Variants in NAGA observed in about 807,000 individuals in gnomAD.
The protein encoded by NAGA is alpha-N-acetylgalactosaminidase.
A neutral mutation model predicts 45.6 loss-of-function variants in NAGA; 42 were observed. The ratio of observed to expected loss-of-function variants is 0.92; its 90% CI spans 0.72 to 1.19. The LOEUF is 1.19. Ranked by LOEUF, NAGA falls within the 50% of genes most tolerant of loss-of-function variation. The probability of loss-of-function intolerance (pLI) is 0.00; values close to 1 mark genes in which losing one functional copy is unlikely to be tolerated. For synonymous variants in NAGA, 176 were observed against 203.1 expected, an observed-to-expected ratio of 0.87 and a Z score of 1.13; for missense variants, 493 against 544.8, an observed-to-expected ratio of 0.90 and a Z score of 0.95.
intron 1 of NAGA, among the ~76,000 whole-genome samples, chr22:42,069,651 G>A (rs1374295454): frequency 6.7e-6 from 1 of 148,620 alleles, no homozygotes; most frequent in Non-Finnish European, 1.5e-5. Context: ...GTGCGACAAC[G>A]CACATTAGCC....
chr22:42,067,523 A>G (rs887992816), intron 3 of NAGA, among the ~76,000 whole-genome samples: 1 of 152,056 alleles, frequency 6.6e-6, no homozygotes, highest in Non-Finnish European at 1.5e-5. Flanking sequence ...TCTGCCTCCA[A>G]TGCCATCTCT....
At chr22:42,068,366 A>T in intron 2 of NAGA, 73 bp downstream of exon 2, 4 of 1,610,146 alleles carry the variant, frequency 2.5e-6, no homozygotes, top group Non-Finnish European at 3.4e-6. Flanking sequence ...TTTCTAGTGG[A>T]CTCTCCACTT....
At chr22:42,063,092 A>C in intron 6 of NAGA, 68 bp from the exon 7 acceptor site, 1 of 1,497,890 alleles carries the variant, frequency 6.7e-7, no homozygotes, top group Non-Finnish European at 9.2e-7. Flanking sequence ...GACCATCCCC[A>C]AACTTGTAGC....
chr22:42,065,404 A>T (rs1651357644), intron 6 of NAGA, among the ~76,000 whole-genome samples: 1 of 152,196 alleles, frequency 6.6e-6, no homozygotes, highest in Non-Finnish European at 1.5e-5. Flanking sequence ...GGCACTAGGA[A>T]TAGCAAGGTC....
At position 42,062,556 on chromosome 22, in the gene NAGA, C is replaced by T. The variant is rs563491302; in HGVS notation, c.957+271G>A. ...GTGTATAGAAGCTCTGTGCCTCACC[C>T]TTGCTATGTGCACTTATGTGGCTGA... On this transcript the variant is annotated intron_variant, in intron 7 of 8. Coordinates refer to ENST00000396398, the MANE Select transcript of NAGA (RefSeq NM_000262.3). 3.9e-5 allele frequency among the ~76,000 whole-genome samples: 6 copies of T among 152,308 alleles called. No homozygotes were observed. The East Asian group carries it at 1.2e-3, about 29-fold the overall frequency.
In NAGA at chr22:42,064,412, G is replaced by A. The variant is rs573120726; in HGVS notation, c.759+1326C>T. ...TCCCAGCACTTTGGGAGGCTGAGGCGGGCAGATCATGAGGTCAGGAGTTTG... is the reference window on the plus strand; with the variant it reads ...TCCCAGCACTTTGGGAGGCTGAGGCAGGCAGATCATGAGGTCAGGAGTTTG... On this transcript the variant is annotated intron_variant, in intron 6 of 8. Coordinates refer to ENST00000396398, the MANE Select transcript of NAGA (RefSeq NM_000262.3). Among the ~76,000 whole-genome samples the A allele has an allele frequency of 2.2e-3, 328 of 151,260 alleles. 3 individuals are homozygous for A. Among genetic ancestry groups the A allele is most frequent in the African/African-American group, 7.5e-3 (309 of 41,190 alleles).
At chr22:42,061,095 G>A in intron 7 of NAGA, 28 bp from the exon 8 acceptor site, 1 of 1,612,282 alleles carries the variant, frequency 6.2e-7, no homozygotes, top group Non-Finnish European at 8.5e-7. Context: ...CTACTGGCTG[G>A]GGTCCCTTGC....
At chr22:42,065,377 C>T (rs375144334) in intron 6 of NAGA, among the ~76,000 whole-genome samples, 16 of 152,070 alleles carry the variant, frequency 1.1e-4, no homozygotes, top group Non-Finnish European at 2.1e-4. Context: ...CAGAGGCACA[C>T]GGGGGAGAGC....
At chr22:42,070,823 C>A (rs1045729205), upstream of NAGA, 1 of 201,230 alleles carries the variant, frequency 5.0e-6, no homozygotes, top group African/African-American at 2.3e-5. Context: ...AAGTCCGAAG[C>A]GTTCCAGTGA....
At position 42,068,433 on chromosome 22, in the gene NAGA, A is replaced by G; in HGVS notation, c.152+6T>C. ...GGCTCATCAGGTGAGTGTGGACCTT[A>G]CTCACCTTATGCAGTTCTTTGGGTC... is the stretch of plus-strand genomic sequence containing the variant. On this transcript the variant is annotated splice_donor_region_variant and intron_variant, in intron 2 of 8. Transcript: ENST00000396398. The G allele has an allele frequency of 6.2e-7, 1 of 1,613,956 alleles. No homozygotes were observed. Among genetic ancestry groups the G allele is most frequent in the Non-Finnish European group, 8.5e-7 (1 of 1,179,962 alleles).
intron 6 of NAGA, 88 bp from the exon 7 acceptor site, chr22:42,063,112 G>A (rs1477623911): frequency 7.6e-6 from 10 of 1,312,780 alleles, no homozygotes; most frequent in South Asian, 1.3e-5. Context: ...CCGAGGAAGA[G>A]CAATTAGGGA....
chr22:42,067,072 TC>T (rs1569458411), intron 4 of NAGA, 40 bp downstream of exon 4: 1 of 1,610,926 alleles, frequency 6.2e-7, no homozygotes. Flanking sequence ...ATGGCCACCC[TC>T]CCCGTTTGCC....
intron 1 of NAGA, among the ~76,000 whole-genome samples, chr22:42,069,873 T>G (rs1341567775): frequency 1.3e-5 from 2 of 152,206 alleles, no homozygotes; most frequent in African/African-American, 4.8e-5. Context: ...TCCAGAGCTC[T>G]TTGCTCTCTA....
chr22:42,061,565 T>C (rs541292866), intron 7 of NAGA, among the ~76,000 whole-genome samples: 4 of 152,308 alleles, frequency 2.6e-5, no homozygotes, highest in African/African-American at 4.8e-5. Flanking sequence ...TGGCAGGGAA[T>C]TGTTACTTCC....
In NAGA at chr22:42,062,975, A is replaced by G. The variant is rs1283846358; in HGVS notation, c.809T>C (p.Met270Thr). 2 of 1,614,236 alleles carry G rather than the reference A, an allele frequency of 1.2e-6. No individual in the cohort carries two copies. Among genetic ancestry groups the G allele is most frequent in the East Asian group, 2.2e-5 (1 of 44,884 alleles). ...GGCTGCCAGCACCGTCCACAGGGCC[A>G]TCTGGGCCCGGGATTGCTCTAAGCT... ...GLSLEQSRAQMALWTVLAAPL... is the reference protein window; with the variant it reads ...GLSLEQSRAQTALWTVLAAPL... Residue 270 changes from methionine to threonine, a missense_variant, in exon 7 of 9, where the codon ATG becomes ACG. Met to Thr is a moderately conservative substitution (Grantham distance 81). Transcript: ENST00000396398.
At chr22:42,064,208 C>T (rs1032927718) in intron 6 of NAGA, among the ~76,000 whole-genome samples, 3 of 151,528 alleles carry the variant, frequency 2.0e-5, no homozygotes, top group South Asian at 2.1e-4. Context: ...GGCGTGGTGG[C>T]GCATGCCTGT....
At chr22:42,061,088 C>T (rs1243686679) in intron 7 of NAGA, 21 bp from the exon 8 acceptor site, 4 of 1,613,086 alleles carry the variant, frequency 2.5e-6, no homozygotes, top group Non-Finnish European at 8.5e-7. Flanking sequence ...AAGGTGGCTA[C>T]TGGCTGGGGT....
chr22:42,064,383 G>C (rs745471693), intron 6 of NAGA, among the ~76,000 whole-genome samples: 3 of 149,742 alleles, frequency 2.0e-5, no homozygotes, highest in Non-Finnish European at 4.4e-5. Flanking sequence ...GCTCACACCT[G>C]TAATCCCAGC....
At chr22:42,069,242 A>G (rs1432467916) in intron 1 of NAGA, among the ~76,000 whole-genome samples, 1 of 152,190 alleles carries the variant, frequency 6.6e-6, no homozygotes, top group Non-Finnish European at 1.5e-5. Flanking sequence ...CCAAAATAAT[A>G]AAAAAGAAAA....
Sources: allele counts gnomAD v4.1 joint callset (sites outside exome capture counted in the v4.1 genomes callset), GRCh38; gene constraint gnomAD v4.1.1; transcripts MANE v1.5; gene names NCBI Gene and HGNC (gene_info 2026-07-23, HGNC 2026-07-21).